Variants in POFUT4 observed in about 807,000 individuals in gnomAD.
The protein encoded by POFUT4 is protein O-fucosyltransferase 4.
the POFUT4 span, chr10:73,773,579 T>G: frequency 6.2e-7 from 1 of 1,614,272 alleles, no homozygotes; most frequent in South Asian, 1.1e-5. Flanking sequence ...TTCTTCTGGA[T>G]AGTCTGAAGC....
the POFUT4 span, among the ~76,000 whole-genome samples, chr10:73,777,635 A>G: frequency 6.6e-6 from 1 of 151,264 alleles, no homozygotes; most frequent in South Asian, 2.1e-4. Flanking sequence ...GCTTACTAGA[A>G]TCTCTGCATT....
chr10:73,775,086 T>G, the POFUT4 span: 2 of 264,708 alleles, frequency 7.6e-6, no homozygotes, highest in African/African-American at 4.4e-5. Flanking sequence ...ATATGAAACA[T>G]TAAGAAAATA....
chr10:73,779,564 A>G, the POFUT4 span: 1 of 23,932 alleles, frequency 4.2e-5, no homozygotes, highest in Admixed American at 4.7e-4. Flanking sequence ...ACTCCATTTC[A>G]AAAAAAAAAA....
chr10:73,775,598 C>G, the POFUT4 span: 1 of 1,614,110 alleles, frequency 6.2e-7, no homozygotes, highest in Non-Finnish European at 8.5e-7. Context: ...GGGAAGCTCT[C>G]ACTGCCATGA....
the POFUT4 span, chr10:73,773,563 A>C: frequency 1.2e-6 from 2 of 1,614,126 alleles, no homozygotes; most frequent in Non-Finnish European, 1.7e-6. Context: ...GGCATCACCA[A>C]CCAATTTCTT....
chr10:73,775,773 T>TA, the POFUT4 span: 82 of 1,289,360 alleles, frequency 6.4e-5, no homozygotes, highest in Admixed American at 8.0e-5. Flanking sequence ...CACAAACCCT[T>TA]AATGAACACT....
chr10:73,775,838 T>TA, the POFUT4 span: 1 of 783,188 alleles, frequency 1.3e-6, no homozygotes, highest in Non-Finnish European at 2.0e-6. Flanking sequence ...TTTATCTTAA[T>TA]GATGAGTAGC....
the POFUT4 span, chr10:73,780,236 ACTG>A: frequency 3.9e-5 from 6 of 152,236 alleles, no homozygotes; most frequent in South Asian, 2.1e-4. Context: ...TGTGTAATAA[ACTG>A]CTTCTTGTTA....
At chr10:73,779,516 T>G in the POFUT4 span, 3 of 147,414 alleles carry the variant, frequency 2.0e-5, no homozygotes, top group African/African-American at 7.6e-5. Flanking sequence ...TGAACCAAGA[T>G]CACGCCATTG....
the POFUT4 span, chr10:73,772,510 G>A: frequency 1.3e-6 from 2 of 1,559,228 alleles, no homozygotes. Flanking sequence ...TGGGGGTGAC[G>A]CGCAGCTCTG....
At chr10:73,775,589 G>A in the POFUT4 span, 2 of 1,614,216 alleles carry the variant, frequency 1.2e-6, no homozygotes, top group Middle Eastern at 1.6e-4. Context: ...TGGACCAGGG[G>A]GAAGCTCTCA....
the POFUT4 span, chr10:73,772,758 G>A: frequency 1.2e-6 from 2 of 1,605,974 alleles, no homozygotes; most frequent in Non-Finnish European, 1.7e-6. Flanking sequence ...CACCAGAGCT[G>A]GGCGCTCCTC....
the POFUT4 span, chr10:73,775,564 A>AT: frequency 6.2e-7 from 1 of 1,614,264 alleles, no homozygotes; most frequent in Non-Finnish European, 8.5e-7. Flanking sequence ...TGGCTGCAAG[A>AT]TTATTGGCAA....
At chr10:73,779,238 A>C in the POFUT4 span, 1 of 157,234 alleles carries the variant, frequency 6.4e-6, no homozygotes, top group African/African-American at 2.4e-5. Context: ...CCAACTGGGC[A>C]ACACAGTGAG....
the POFUT4 span, chr10:73,775,505 C>T: frequency 1.9e-6 from 3 of 1,614,242 alleles, no homozygotes; most frequent in Non-Finnish European, 8.5e-7. Flanking sequence ...AACTATGCTG[C>T]AGTTCCATAA....
chr10:73,773,483 A>G, the POFUT4 span: 20 of 1,614,078 alleles, frequency 1.2e-5, no homozygotes, highest in Non-Finnish European at 1.5e-5. Context: ...AGAAGCTGGC[A>G]GAGTTTATTG....
chr10:73,772,830 A>C, the POFUT4 span: 4 of 1,612,212 alleles, frequency 2.5e-6, no homozygotes, highest in Admixed American at 3.3e-5. Flanking sequence ...CGCCTCTTCA[A>C]TCTTACCTCC....
At chr10:73,774,281 G>A in the POFUT4 span, 1 of 153,658 alleles carries the variant, frequency 6.5e-6, no homozygotes, top group African/African-American at 2.4e-5. Context: ...AGTAGTCAGG[G>A]GTTACACCTG....
chr10:73,772,306 C>A, the POFUT4 span: 2 of 1,411,604 alleles, frequency 1.4e-6, no homozygotes, highest in Middle Eastern at 2.3e-4. Flanking sequence ...CGGTGCTGGC[C>A]GAGGGGGCGC....
Sources: gnomAD v4.1 joint callset for allele counts (sites outside exome capture counted in the v4.1 genomes callset) on GRCh38, gnomAD v4.1.1 for gene constraint, MANE v1.5 for transcripts, NCBI Gene and HGNC (gene_info 2026-07-23, HGNC 2026-07-21) for gene names.